The following SFXN5 variants were observed in gnomAD, a reference collection of about 807,000 sequenced individuals.
SFXN5 encodes the protein sideroflexin-5.
SFXN5 carries 43 observed loss-of-function variants against 50.2 expected under a neutral mutation model. The ratio of observed to expected loss-of-function variants is 0.86; its 90% CI spans 0.67 to 1.11. The LOEUF (loss-of-function observed/expected upper bound fraction) is 1.11. Ranked by LOEUF, SFXN5 falls within the 50% of genes least tolerant of loss-of-function variation. The pLI, the probability that SFXN5 is intolerant of heterozygous loss-of-function variation, is 0.00. For missense variants in SFXN5, 463 were observed against 454.1 expected, an observed-to-expected ratio of 1.02 and a Z score of -0.18; for synonymous variants, 203 against 185.8, an observed-to-expected ratio of 1.09 and a Z score of -0.75.
intron 10 of SFXN5, among the ~76,000 whole-genome samples, chr2:72,978,768 C>A (rs995701064): frequency 2.0e-5 from 3 of 151,874 alleles, no homozygotes; most frequent in Non-Finnish European, 4.4e-5. Flanking sequence ...GCTAGCCTGG[C>A]GATTCCCAGC....
At chr2:72,951,366 C>T (rs988271631) in intron 13 of SFXN5, among the ~76,000 whole-genome samples, 23 of 152,210 alleles carry the variant, frequency 1.5e-4, no homozygotes, top group African/African-American at 5.5e-4. Flanking sequence ...CCCCAGCCTC[C>T]CGGGCACCCT....
intron 1 of SFXN5, among the ~76,000 whole-genome samples, chr2:73,060,715 T>TC (rs1352934252): frequency 1.1e-4 from 16 of 151,910 alleles, no homozygotes; most frequent in African/African-American, 3.6e-4. Context: ...TTTTTTTTTT[T>TC]TTTTAAGACA....
At chr2:72,995,969 G>C (rs1224200095) in intron 9 of SFXN5, among the ~76,000 whole-genome samples, 3 of 152,174 alleles carry the variant, frequency 2.0e-5, no homozygotes, top group Non-Finnish European at 4.4e-5. Flanking sequence ...AGATCGGAGG[G>C]GCCTCAAGGC....
chr2:73,048,565 T>A (rs138805667), intron 2 of SFXN5, among the ~76,000 whole-genome samples: 1 of 152,352 alleles, frequency 6.6e-6, no homozygotes, highest in East Asian at 1.9e-4. Flanking sequence ...TAATGGTGAT[T>A]ATTTCTAGCA....
chr2:73,009,420 C>T (rs967851783), intron 6 of SFXN5, among the ~76,000 whole-genome samples: 1 of 152,200 alleles, frequency 6.6e-6, no homozygotes, highest in Admixed American at 6.5e-5. Context: ...GTGAAAGTGC[C>T]AAGGTGGGAG....
chr2:73,059,172 C>T, intron 1 of SFXN5: 1 of 985,286 alleles, frequency 1.0e-6, no homozygotes, highest in Non-Finnish European at 1.2e-6. Context: ...AACCTTGCCC[C>T]AGAGCAGGGG....
intron 6 of SFXN5, among the ~76,000 whole-genome samples, chr2:73,015,777 A>T (rs1373707516): frequency 6.6e-6 from 1 of 152,114 alleles, no homozygotes; most frequent in Non-Finnish European, 1.5e-5. Context: ...TTATAGGTCT[A>T]TTCAGATTTT....
At chr2:73,037,720 C>T (rs921175361) in intron 3 of SFXN5, among the ~76,000 whole-genome samples, 1 of 152,142 alleles carries the variant, frequency 6.6e-6, no homozygotes, top group Non-Finnish European at 1.5e-5. Context: ...GAAAATAGCG[C>T]AATGGTCTTC....
chr2:72,985,927 C>G (rs1671862208), intron 10 of SFXN5, among the ~76,000 whole-genome samples: 1 of 152,180 alleles, frequency 6.6e-6, no homozygotes, highest in Non-Finnish European at 1.5e-5. Flanking sequence ...GCAAGATGGC[C>G]AGTAGGGCTG....
At chr2:73,015,044 C>T (rs1019753529) in intron 6 of SFXN5, among the ~76,000 whole-genome samples, 1 of 152,142 alleles carries the variant, frequency 6.6e-6, no homozygotes, top group African/African-American at 2.4e-5. Flanking sequence ...TAAGAATTTA[C>T]CTTTGTTTCA....
rs1268943152 is a variant in SFXN5 at position 73,039,933 on chromosome 2, C to T, written c.249+921G>A. Among the ~76,000 whole-genome samples, 4 of 152,188 alleles carry T rather than the reference C, an allele frequency of 2.6e-5. No individual in the cohort carries two copies. The East Asian group carries it at 7.7e-4, about 29-fold the overall frequency. On this transcript the variant is annotated intron_variant, in intron 3 of 13. Coordinates refer to ENST00000272433, the MANE Select transcript of SFXN5 (RefSeq NM_144579.3). ...TCAAGCGATTCTCCTGCCTCAACCT[C>T]ATGAGTAGCTGGGATTACAGGCGTC...
Position 72,961,128 on chromosome 2 carries a change from G to T in SFXN5, c.945+3C>A. ...CCCTGCCCTTGAGCCCCTCCCCACT[G>T]ACCTCTGACATTTGCGGGAAGAGGC... is the stretch of plus-strand genomic sequence containing the variant. On this transcript the variant is annotated splice_donor_region_variant and intron_variant, in intron 13 of 13. Coordinates refer to ENST00000272433, the MANE Select transcript of SFXN5 (RefSeq NM_144579.3). The surrounding 1 kb of genome is among the most constrained non-coding windows in gnomAD (Gnocchi z 4.4). The T allele has an allele frequency of 6.3e-7, 1 of 1,577,106 alleles. No homozygotes were observed. The highest frequency in any genetic ancestry group is 8.6e-7 in the Non-Finnish European group (1 of 1,162,388).
Position 72,992,723 on chromosome 2 carries a change from T to A in SFXN5, c.535-4375A>T, listed in dbSNP as rs1447595032. Among the ~76,000 whole-genome samples, 1 of 152,218 alleles carries A rather than the reference T, an allele frequency of 6.6e-6. No individual in the cohort carries two copies. Among genetic ancestry groups the A allele is most frequent in the African/African-American group, 2.4e-5 (1 of 41,460 alleles). On this transcript the variant is annotated intron_variant, in intron 9 of 13. Coordinates refer to ENST00000272433, the MANE Select transcript of SFXN5 (RefSeq NM_144579.3). The surrounding 1 kb of genome is among the most constrained non-coding windows in gnomAD (Gnocchi z 4.5). ...TCAGCACGCAGCCTCTGTCCCTGGA[T>A]GACAGTGCACCTCCTAACCAGGCCC...
chr2:73,059,704 G>T, intron 1 of SFXN5: 1 of 964,926 alleles, frequency 1.0e-6, no homozygotes, highest in Non-Finnish European at 1.2e-6. Flanking sequence ...TCAAGCTTTG[G>T]TCCATTCCTA....
chr2:72,967,935 C>A (rs1399748830), intron 12 of SFXN5, among the ~76,000 whole-genome samples: 1 of 152,180 alleles, frequency 6.6e-6, no homozygotes, highest in Non-Finnish European at 1.5e-5. Context: ...GAACATCCCT[C>A]TGAGGGAGGC....
intron 10 of SFXN5, among the ~76,000 whole-genome samples, chr2:72,985,999 G>A (rs746547707): frequency 1.1e-4 from 16 of 152,210 alleles, no homozygotes; most frequent in South Asian, 2.1e-4. Flanking sequence ...CATCTTGGCC[G>A]AATCCCAGAT....
At chr2:73,061,076 G>A (rs1299717860) in intron 1 of SFXN5, among the ~76,000 whole-genome samples, 2 of 151,656 alleles carry the variant, frequency 1.3e-5, no homozygotes, top group Non-Finnish European at 2.9e-5. Context: ...AGCACTCTGG[G>A]AGACCAAGGC....
chr2:73,044,448 G>T (rs1004772329), intron 2 of SFXN5: 4 of 152,378 alleles, frequency 2.6e-5, no homozygotes, highest in Admixed American at 2.6e-4. Flanking sequence ...CCTGAGGCCT[G>T]GCTGTTCTAG....
intron 13 of SFXN5, among the ~76,000 whole-genome samples, chr2:72,956,726 C>G (rs1030939423): frequency 6.6e-6 from 1 of 152,198 alleles, no homozygotes; most frequent in Non-Finnish European, 1.5e-5. Context: ...GCCCCCTCTA[C>G]TCACTGGACC....
Sources: allele counts gnomAD v4.1 joint callset (sites outside exome capture counted in the v4.1 genomes callset), GRCh38; gene constraint gnomAD v4.1.1; non-coding constraint Gnocchi (gnomAD v3.1); transcripts MANE v1.5; gene names NCBI Gene and HGNC (gene_info 2026-07-23, HGNC 2026-07-21).